CSMD3: variants seen among roughly 807,000 people sequenced by gnomAD.
CSMD3 encodes the protein CUB and sushi domain-containing protein 3.
A neutral mutation model predicts 435.2 loss-of-function variants in CSMD3; 177 were observed. The observed-to-expected ratio is 0.41, with a 90% CI of 0.36 to 0.46. The LOEUF (loss-of-function observed/expected upper bound fraction) is 0.46. Among genes scored for constraint, CSMD3 ranks in the 20% least tolerant of loss-of-function variants. The pLI is 0.34. For missense variants in CSMD3, 4,265 were observed against 4,504.6 expected (o/e 0.95, Z 1.52); for synonymous variants, 1,656 against 1,520.5 (o/e 1.09, Z -2.07).
At position 113,231,307 on chromosome 8, in the gene CSMD3, G is replaced by A. The variant is rs1380036618; in HGVS notation, c.514+47285C>T. Among the ~76,000 whole-genome samples, 3 of 151,002 alleles carry A rather than the reference G, an allele frequency of 2.0e-5. No homozygotes were observed. In the East Asian group the frequency reaches 5.8e-4, roughly 29 times the overall value. On this transcript the variant is annotated intron_variant, in intron 3 of 70. Coordinates refer to ENST00000297405, the MANE Select transcript of CSMD3 (RefSeq NM_198123.2). ...TTGTATCAAATAATTAACTACTCAA[G>A]GATATTTCCTACTAGATGAAAATGT...
intron 47 of CSMD3, among the ~76,000 whole-genome samples, chr8:112,315,234 G>A (rs1450854513): frequency 6.6e-6 from 1 of 151,612 alleles, no homozygotes; most frequent in African/African-American, 2.4e-5. Flanking sequence ...ATATACCTCT[G>A]CTTTAATATA....
At chr8:112,872,627 A>G (rs2081168262) in intron 10 of CSMD3, among the ~76,000 whole-genome samples, 1 of 151,984 alleles carries the variant, frequency 6.6e-6, no homozygotes, top group Non-Finnish European at 1.5e-5. Context: ...GTTTATCTAC[A>G]GCGCTGCCTC....
At chr8:112,669,796 G>A (rs2075614365) in intron 16 of CSMD3, among the ~76,000 whole-genome samples, 1 of 152,068 alleles carries the variant, frequency 6.6e-6, no homozygotes, top group South Asian at 2.1e-4. Context: ...CTTTCTCTGT[G>A]TCAGGCACCC....
intron 27 of CSMD3, among the ~76,000 whole-genome samples, chr8:112,522,712 G>A (rs1165047388): frequency 2.0e-5 from 3 of 151,726 alleles, no homozygotes; most frequent in Admixed American, 6.6e-5. Flanking sequence ...CATTTTAATC[G>A]CTTTACTCTG....
chr8:112,359,025 T>C (rs987376504), intron 38 of CSMD3, among the ~76,000 whole-genome samples: 17 of 152,208 alleles, frequency 1.1e-4, no homozygotes, highest in African/African-American at 3.9e-4. Flanking sequence ...ACAAAATGTT[T>C]GCTTTTTTGC....
At chr8:112,780,022 TA>T (rs1382013060) in intron 13 of CSMD3, among the ~76,000 whole-genome samples, 1 of 152,116 alleles carries the variant, frequency 6.6e-6, no homozygotes, top group Non-Finnish European at 1.5e-5. Context: ...CAATTAGATA[TA>T]ATAAATAATC....
At chr8:112,550,923 T>C (rs752658336) in intron 26 of CSMD3, 50 bp from the exon 27 acceptor site, 1 of 1,387,510 alleles carries the variant, frequency 7.2e-7, no homozygotes, top group Non-Finnish European at 1.0e-6. Context: ...GATTCAACTT[T>C]AAAGAAAAAA....
At chr8:112,332,116 C>A (rs1260228729) in intron 45 of CSMD3, among the ~76,000 whole-genome samples, 3 of 151,998 alleles carry the variant, frequency 2.0e-5, no homozygotes, top group African/African-American at 7.2e-5. Context: ...AAAATACAAT[C>A]AGTCAATAAC....
At chr8:112,263,913 C>T in intron 60 of CSMD3, 101 bp from the exon 61 acceptor site, 8 of 1,036,416 alleles carry the variant, frequency 7.7e-6, no homozygotes, top group Non-Finnish European at 1.0e-5. Flanking sequence ...GCTAATTTAA[C>T]CTTTTCGAGG....
rs5010927 is a variant in CSMD3, at chr8:112,518,631, A to T, written c.4565-1406T>A. Among the ~76,000 whole-genome samples the T allele has an allele frequency of 6.7e-3, 770 of 115,262 alleles. 2 individuals are homozygous for T. Among genetic ancestry groups the T allele is most frequent in the African/African-American group, 0.018 (635 of 34,586 alleles). 75.6% of individuals were successfully genotyped at this position (115,262 alleles called of 152,430 possible). A position where few individuals can be genotyped will look rare whatever the true frequency, so the allele number is the denominator to read the frequency against. Reference sequence around the variant, plus strand: ...TGGTGTGTGTGTGTGTGTGTGTGTGAGAGAGAGAGAGAGAGAGAGAGAGAG... The same window carrying T: ...TGGTGTGTGTGTGTGTGTGTGTGTGTGAGAGAGAGAGAGAGAGAGAGAGAG... On this transcript the variant is annotated intron_variant, in intron 27 of 70. Transcript: ENST00000297405.
intron 2 of CSMD3, 114 bp downstream of exon 2, chr8:113,314,457 G>C: frequency 4.3e-6 from 3 of 704,384 alleles, no homozygotes; most frequent in Non-Finnish European, 7.6e-6. Context: ...ATAATTAGAT[G>C]GTGAATACAA....
intron 4 of CSMD3, among the ~76,000 whole-genome samples, chr8:113,112,212 A>G (rs1244275339): frequency 6.6e-6 from 1 of 151,306 alleles, no homozygotes; most frequent in Non-Finnish European, 1.5e-5. Context: ...TTGCTGAGTA[A>G]TATTCCATGG....
Position 112,471,350 on chromosome 8 carries a change from CA to C in CSMD3, c.5395+1240del, listed in dbSNP as rs1395300843. Among the ~76,000 whole-genome samples, 4 of 152,204 alleles carry C rather than the reference CA, an allele frequency of 2.6e-5. No homozygotes were observed. The South Asian group carries it at 6.2e-4, about 24-fold the overall frequency. ...AAAACTCTCTAGCAAAGGAAGGACT[CA>C]AAAGGCAAAAAATAAACACAGTTAA... On this transcript the variant is annotated intron_variant, in intron 32 of 70. Coordinates refer to ENST00000297405, the MANE Select transcript of CSMD3 (RefSeq NM_198123.2).
At chr8:113,018,799 T>C (rs575586078) in intron 6 of CSMD3, 5 of 432,504 alleles carry the variant, frequency 1.2e-5, no homozygotes, top group South Asian at 1.1e-4. Context: ...CTGAAGCACT[T>C]TATTAAAGAA....
At chr8:113,413,797 G>A (rs1033189523) in intron 1 of CSMD3, among the ~76,000 whole-genome samples, 4 of 152,098 alleles carry the variant, frequency 2.6e-5, no homozygotes, top group Non-Finnish European at 4.4e-5. Context: ...AACATGTACA[G>A]GGAAGTAATG....
At chr8:113,202,152 A>G (rs564002927) in intron 3 of CSMD3, among the ~76,000 whole-genome samples, 11 of 152,282 alleles carry the variant, frequency 7.2e-5, no homozygotes, top group African/African-American at 2.6e-4. Context: ...GGGCTAGCAT[A>G]AAGCAACTTT....
At position 113,421,006 on chromosome 8, in the gene CSMD3, T is replaced by C. The variant is rs568928330; in HGVS notation, c.178+15671A>G. ...AATATTAGCAAATCATTCAAAGAAA[T>C]ACTACTGATAGAAATAAATATAACT... On this transcript the variant is annotated intron_variant, in intron 1 of 70. Transcript: ENST00000297405. 1.7e-4 allele frequency among the ~76,000 whole-genome samples: 25 copies of C among 150,592 alleles called. No homozygotes were observed. In the South Asian group the frequency reaches 4.8e-3, roughly 29 times the overall value.
chr8:112,924,032 A>G (rs200630939), intron 9 of CSMD3, among the ~76,000 whole-genome samples: 1 of 61,470 alleles, frequency 1.6e-5, no homozygotes, highest in Non-Finnish European at 3.4e-5. Flanking sequence ...AAATAAAGAG[A>G]GGGGTATGTG....
intron 59 of CSMD3, among the ~76,000 whole-genome samples, chr8:112,275,839 G>T (rs62514389): frequency 6.6e-6 from 1 of 152,016 alleles, no homozygotes; most frequent in East Asian, 1.9e-4. Flanking sequence ...GATGAGATTT[G>T]GTTGGGGCTA....
Sources: gnomAD v4.1 joint callset for allele counts (sites outside exome capture counted in the v4.1 genomes callset) on GRCh38, gnomAD v4.1.1 for gene constraint, MANE v1.5 for transcripts, NCBI Gene and HGNC (gene_info 2026-07-23, HGNC 2026-07-21) for gene names.